The following CCDC7 variants were observed in gnomAD, a reference collection of about 807,000 sequenced individuals.
CCDC7 encodes the protein coiled-coil domain containing 7.
Under a neutral mutation model 196.9 loss-of-function variants are expected in CCDC7, and 183 were observed. The observed-to-expected ratio is 0.93, with a 90% CI of 0.82 to 1.05. The LOEUF (loss-of-function observed/expected upper bound fraction) is 1.05. Ranked by LOEUF, CCDC7 falls within the 50% of genes least tolerant of loss-of-function variation. The pLI, the probability that CCDC7 is intolerant of heterozygous loss-of-function variation, is 0.00. For synonymous variants in CCDC7, 525 were observed against 484.6 expected, an observed-to-expected ratio of 1.08 and a Z score of -1.10; for missense variants, 1,540 against 1,482.2, an observed-to-expected ratio of 1.04 and a Z score of -0.64.
chr10:32,697,530 C>T (rs1312308650), intron 24 of CCDC7, among the ~76,000 whole-genome samples: 1 of 152,204 alleles, frequency 6.6e-6, no homozygotes, highest in Non-Finnish European at 1.5e-5. Context: ...ATATCCTGCG[C>T]CTCGCTTGGC....
chr10:32,705,105 C>T (rs950535093), intron 24 of CCDC7, among the ~76,000 whole-genome samples: 1 of 152,116 alleles, frequency 6.6e-6, no homozygotes, highest in Non-Finnish European at 1.5e-5. Context: ...CTGCATTGCT[C>T]ATGCTGGGAG....
At chr10:32,753,603 A>G (rs1193195436) in intron 28 of CCDC7, among the ~76,000 whole-genome samples, 12 of 152,086 alleles carry the variant, frequency 7.9e-5, no homozygotes, top group Admixed American at 7.2e-4. Context: ...AAACTATAGG[A>G]AATCTTAGAA....
intron 15 of CCDC7, among the ~76,000 whole-genome samples, chr10:32,568,167 C>T (rs766534834): frequency 2.0e-5 from 3 of 151,850 alleles, no homozygotes; most frequent in South Asian, 2.1e-4. Flanking sequence ...CCACCATGCC[C>T]GGCTAATTTT....
At chr10:32,820,679 G>C (rs2135574551) in intron 31 of CCDC7, among the ~76,000 whole-genome samples, 1 of 152,246 alleles carries the variant, frequency 6.6e-6, no homozygotes, top group East Asian at 1.9e-4. Flanking sequence ...ACAACTATCT[G>C]ATCTTTGACA....
chr10:32,729,094 C>A (rs1449471289), intron 27 of CCDC7, 97 bp downstream of exon 28: 1 of 924,398 alleles, frequency 1.1e-6, no homozygotes, highest in Non-Finnish European at 1.6e-6. Context: ...GACTATATTT[C>A]ATCAACTTTT....
intron 16 of CCDC7, among the ~76,000 whole-genome samples, chr10:32,581,140 A>G (rs1190827258): frequency 1.3e-5 from 2 of 152,180 alleles, no homozygotes; most frequent in Non-Finnish European, 2.9e-5. Flanking sequence ...ACTGTCATGT[A>G]GAGTGCTGTC....
intron 3 of CCDC7, 60 bp downstream of exon 4, chr10:32,456,394 A>G (rs757638109): frequency 7.4e-7 from 1 of 1,344,552 alleles, no homozygotes; most frequent in African/African-American, 1.5e-5. Flanking sequence ...GTTGTTGAAA[A>G]TTGAATCTGC....
chr10:32,661,311 G>A (rs2071382780), intron 20 of CCDC7, among the ~76,000 whole-genome samples: 1 of 150,916 alleles, frequency 6.6e-6, no homozygotes, highest in African/African-American at 2.4e-5. Context: ...TCATTAAAAA[G>A]TCAGGAAACA....
At chr10:32,546,160 T>C (rs1205677285) in intron 13 of CCDC7, among the ~76,000 whole-genome samples, 2 of 152,192 alleles carry the variant, frequency 1.3e-5, no homozygotes, top group African/African-American at 2.4e-5. Flanking sequence ...AGCATGCTGT[T>C]TATGAAAGGA....
At chr10:32,581,776 T>A (rs1019670671) in intron 16 of CCDC7, among the ~76,000 whole-genome samples, 1 of 152,136 alleles carries the variant, frequency 6.6e-6, no homozygotes, top group African/African-American at 2.4e-5. Flanking sequence ...AATCAAGTGA[T>A]TAATGATGTC....
At chr10:32,726,148 A>G (rs770599340) in intron 25 of CCDC7, among the ~76,000 whole-genome samples, 2 of 152,012 alleles carry the variant, frequency 1.3e-5, no homozygotes, top group Non-Finnish European at 2.9e-5. Context: ...TTCTGACTCA[A>G]AAGTTACCGT....
intron 8 of CCDC7, among the ~76,000 whole-genome samples, chr10:32,474,537 T>G (rs2038629879): frequency 1.3e-5 from 2 of 151,930 alleles, no homozygotes; most frequent in African/African-American, 4.8e-5. Flanking sequence ...GCGCCCGGCC[T>G]AGATTAATTT....
intron 16 of CCDC7, among the ~76,000 whole-genome samples, chr10:32,573,116 G>A (rs1369657170): frequency 1.3e-5 from 2 of 152,066 alleles, no homozygotes; most frequent in African/African-American, 4.8e-5. Flanking sequence ...GTCCTCAAGT[G>A]ATCCACCCAC....
At chr10:32,628,976 T>C (rs960966801) in intron 18 of CCDC7, among the ~76,000 whole-genome samples, 3 of 152,276 alleles carry the variant, frequency 2.0e-5, no homozygotes, top group Admixed American at 2.0e-4. Context: ...ATTCTAGTGC[T>C]GTTGGATGGA....
intron 15 of CCDC7, among the ~76,000 whole-genome samples, chr10:32,571,196 A>AG (rs1244098211): frequency 6.6e-6 from 1 of 151,850 alleles, no homozygotes; most frequent in Non-Finnish European, 1.5e-5. Context: ...TTTAGTAGAG[A>AG]GGGGGTTTCA....
At chr10:32,626,833 G>A (rs2064111995) in intron 18 of CCDC7, among the ~76,000 whole-genome samples, 1 of 151,854 alleles carries the variant, frequency 6.6e-6, no homozygotes, top group Non-Finnish European at 1.5e-5. Context: ...TGTATTCTTA[G>A]CACCTTTGTT....
At chr10:32,616,475 G>A (rs1485440783) in intron 18 of CCDC7, among the ~76,000 whole-genome samples, 1 of 150,986 alleles carries the variant, frequency 6.6e-6, no homozygotes, top group East Asian at 1.9e-4. Flanking sequence ...TTATCAGTGT[G>A]TAAAAATGCT....
At chr10:32,744,942 A>G (rs1353099296) in intron 28 of CCDC7, among the ~76,000 whole-genome samples, 1 of 152,194 alleles carries the variant, frequency 6.6e-6, no homozygotes, top group Non-Finnish European at 1.5e-5. Context: ...GAAGTTGTAT[A>G]GTTTTCCATT....
intron 18 of CCDC7, among the ~76,000 whole-genome samples, chr10:32,610,983 T>C (rs1009806338): frequency 1.3e-5 from 2 of 152,212 alleles, no homozygotes; most frequent in African/African-American, 2.4e-5. Flanking sequence ...TTCTAGATCA[T>C]TGAGGAATTG....
Sources: gnomAD v4.1 joint callset for allele counts (sites outside exome capture counted in the v4.1 genomes callset) on GRCh38, gnomAD v4.1.1 for gene constraint, MANE v1.5 for transcripts, NCBI Gene and HGNC (gene_info 2026-07-23, HGNC 2026-07-21) for gene names.